The following MBNL2 variants were observed in gnomAD, a reference collection of about 807,000 sequenced individuals.
MBNL2 encodes the protein muscleblind-like protein 2.
MBNL2 carries 17 observed loss-of-function variants against 41.9 expected under a neutral mutation model. That is an observed-to-expected ratio of 0.41 (90% CI 0.28 to 0.61). The LOEUF (loss-of-function observed/expected upper bound fraction) is 0.61, where lower values mean the gene tolerates loss of function less well. MBNL2 is among the 20% of genes least tolerant of loss of function. The pLI is 0.35. For synonymous variants in MBNL2, 195 were observed against 182.9 expected (o/e 1.07, Z -0.53); for missense variants, 336 against 505.6 (o/e 0.66, Z 3.22).
chr13:97,228,429 A>G (rs1355838816), intron 1 of MBNL2, among the ~76,000 whole-genome samples: 3 of 152,138 alleles, frequency 2.0e-5, no homozygotes, highest in Admixed American at 1.3e-4. Context: ...GATGTACTTT[A>G]TATAGTTTAC....
At chr13:97,280,205 G>A (rs2053077854) in intron 2 of MBNL2, among the ~76,000 whole-genome samples, 1 of 152,174 alleles carries the variant, frequency 6.6e-6, no homozygotes, top group Non-Finnish European at 1.5e-5. Context: ...TAAAATGTTT[G>A]AGATTTTTGT....
chr13:97,272,349 T>G (rs2051220722), intron 1 of MBNL2, among the ~76,000 whole-genome samples: 1 of 152,246 alleles, frequency 6.6e-6, no homozygotes, highest in African/African-American at 2.4e-5. Context: ...TTCTGGATAT[T>G]AGACCTTTGT....
chr13:97,251,569 A>G (rs1018662996), intron 1 of MBNL2, among the ~76,000 whole-genome samples: 1 of 152,216 alleles, frequency 6.6e-6, no homozygotes, highest in Non-Finnish European at 1.5e-5. Context: ...AAGTGTTTAA[A>G]GATTTATTTT....
chr13:97,317,686 G>A (rs2059172520), intron 2 of MBNL2, among the ~76,000 whole-genome samples: 1 of 152,190 alleles, frequency 6.6e-6, no homozygotes, highest in African/African-American at 2.4e-5. Context: ...TGCCCTAATA[G>A]ACGGAGATAT....
At chr13:97,384,951 G>A (rs1313909675) in intron 8 of MBNL2, among the ~76,000 whole-genome samples, 1 of 152,066 alleles carries the variant, frequency 6.6e-6, no homozygotes, top group East Asian at 1.9e-4. Flanking sequence ...GGAGTAGGGA[G>A]AATGGGAGAA....
At chr13:97,158,841 G>A in the MBNL2 span, among the ~76,000 whole-genome samples, 1 of 152,042 alleles carries the variant, frequency 6.6e-6, no homozygotes, top group African/African-American at 2.4e-5. Context: ...TGGAATAGGT[G>A]TGGTGTGGTG....
chr13:97,362,886 G>T (rs1445681369), intron 7 of MBNL2: 1 of 152,496 alleles, frequency 6.6e-6, no homozygotes, highest in Non-Finnish European at 1.5e-5. Flanking sequence ...GATTGCTTTG[G>T]CTGATTGGTC....
At chr13:97,388,937 A>G (rs572958460) in intron 8 of MBNL2, among the ~76,000 whole-genome samples, 1 of 152,230 alleles carries the variant, frequency 6.6e-6, no homozygotes, top group Non-Finnish European at 1.5e-5. Flanking sequence ...AAGTTCACAG[A>G]TGCCAAGAGT....
chr13:97,247,687 A>T (rs1449223290), intron 1 of MBNL2, among the ~76,000 whole-genome samples: 1 of 152,238 alleles, frequency 6.6e-6, no homozygotes, highest in Non-Finnish European at 1.5e-5. Context: ...TTAAACAGCT[A>T]AAAGAAAGCA....
chr13:97,340,337 C>T (rs549605247), intron 3 of MBNL2, among the ~76,000 whole-genome samples: 10 of 150,266 alleles, frequency 6.7e-5, no homozygotes, highest in African/African-American at 1.7e-4. Flanking sequence ...TTCAGTTTCA[C>T]GTGACAGAAA....
At chr13:97,320,136 T>C (rs2059381951) in intron 2 of MBNL2, among the ~76,000 whole-genome samples, 1 of 152,208 alleles carries the variant, frequency 6.6e-6, no homozygotes, top group Admixed American at 6.5e-5. Flanking sequence ...AAGGCTGCTA[T>C]AACCAGTATC....
chr13:97,389,712 A>G (rs1047393717), intron 8 of MBNL2, among the ~76,000 whole-genome samples: 1 of 151,632 alleles, frequency 6.6e-6, no homozygotes, highest in Admixed American at 6.6e-5. Flanking sequence ...TCTCAAAAAA[A>G]AAAGAAAGAA....
chr13:97,241,631 A>T (rs982001922), intron 1 of MBNL2, among the ~76,000 whole-genome samples: 6 of 152,250 alleles, frequency 3.9e-5, no homozygotes, highest in African/African-American at 1.4e-4. Flanking sequence ...TGAAACAATC[A>T]TGATTGGTAG....
chr13:97,296,318 G>A (rs564398147), intron 2 of MBNL2, among the ~76,000 whole-genome samples: 13 of 152,140 alleles, frequency 8.5e-5, no homozygotes, highest in Middle Eastern at 3.4e-3. Flanking sequence ...TGAAAATGAT[G>A]GCATATTAAT....
chr13:97,247,541 C>T (rs961277207), intron 1 of MBNL2, among the ~76,000 whole-genome samples: 1 of 152,150 alleles, frequency 6.6e-6, no homozygotes, highest in African/African-American at 2.4e-5. Flanking sequence ...ACCTGTTTCT[C>T]TTGTTTATTG....
At chr13:97,359,328 C>T (rs998837626) in intron 7 of MBNL2, among the ~76,000 whole-genome samples, 1 of 151,770 alleles carries the variant, frequency 6.6e-6, no homozygotes, top group Non-Finnish European at 1.5e-5. Flanking sequence ...AAAGGAGAAG[C>T]CTGTTTCTGA....
intron 1 of MBNL2, among the ~76,000 whole-genome samples, chr13:97,257,757 A>T (rs1400452360): frequency 1.3e-5 from 2 of 152,108 alleles, no homozygotes; most frequent in Admixed American, 6.6e-5. Context: ...TGCTCCTCAG[A>T]TTTTACATTT....
chr13:97,250,783 T>C (rs1045305729), intron 1 of MBNL2, among the ~76,000 whole-genome samples: 14 of 152,164 alleles, frequency 9.2e-5, no homozygotes, highest in African/African-American at 3.4e-4. Context: ...AATCCTCTCC[T>C]CCAACACTAA....
chr13:97,363,369 A>G (rs2063574777), intron 7 of MBNL2, among the ~76,000 whole-genome samples: 1 of 151,462 alleles, frequency 6.6e-6, no homozygotes, highest in Non-Finnish European at 1.5e-5. Flanking sequence ...GGGTGAGGGA[A>G]GGAAGATCGT....
Sources: allele counts gnomAD v4.1 joint callset (sites outside exome capture counted in the v4.1 genomes callset), GRCh38; gene constraint gnomAD v4.1.1; transcripts MANE v1.5; gene names NCBI Gene and HGNC (gene_info 2026-07-23, HGNC 2026-07-21).